The following MAP4K3 variants were observed in gnomAD, a reference collection of about 807,000 sequenced individuals.
The protein encoded by MAP4K3 is mitogen-activated protein kinase kinase kinase kinase 3.
A neutral mutation model predicts 143.5 loss-of-function variants in MAP4K3; 94 were observed. The ratio of observed to expected loss-of-function variants is 0.65; its 90% CI spans 0.55 to 0.78. The LOEUF is 0.78. Ranked by LOEUF, MAP4K3 falls within the 30% of genes least tolerant of loss-of-function variation. The pLI is 0.00. For missense variants in MAP4K3, 1,077 were observed against 1,068.1 expected (o/e 1.01, Z -0.12); for synonymous variants, 416 against 347.2 (o/e 1.20, Z -2.20).
chr2:39,349,546 T>A (rs765868727), intron 3 of MAP4K3, among the ~76,000 whole-genome samples: 27 of 152,150 alleles, frequency 1.8e-4, no homozygotes, highest in Admixed American at 1.0e-3. Context: ...TATCACATAG[T>A]CTTTTCTTGA....
At position 39,399,797 on chromosome 2, in the gene MAP4K3, C is replaced by A. The variant is rs145114348; in HGVS notation, c.97-21674G>T. Reference sequence around the variant, plus strand: ...GTTAAGGGCTCCTGTTACAAGCATACATTTTAGTGTTTATTACAAGAGACT... The same window carrying A: ...GTTAAGGGCTCCTGTTACAAGCATAAATTTTAGTGTTTATTACAAGAGACT... On this transcript the variant is annotated intron_variant, in intron 1 of 33. Coordinates refer to ENST00000263881, the MANE Select transcript of MAP4K3 (RefSeq NM_003618.4). Among the ~76,000 whole-genome samples the A allele has an allele frequency of 9.2e-5, 14 of 152,252 alleles. No individual in the cohort carries two copies. The East Asian group carries it at 2.3e-3, about 25-fold the overall frequency.
chr2:39,345,549 C>T (rs937220516), intron 3 of MAP4K3, among the ~76,000 whole-genome samples: 1 of 152,106 alleles, frequency 6.6e-6, no homozygotes, highest in African/African-American at 2.4e-5. Context: ...AAAAAGAAAG[C>T]ACAAGCTATC....
intron 8 of MAP4K3, among the ~76,000 whole-genome samples, chr2:39,329,905 G>A (rs986935452): frequency 2.0e-5 from 3 of 152,138 alleles, no homozygotes; most frequent in African/African-American, 7.2e-5. Context: ...AAAATGTAAG[G>A]ATTAGTGGAC....
chr2:39,426,283 A>G (rs1331216677), intron 1 of MAP4K3, among the ~76,000 whole-genome samples: 1 of 152,184 alleles, frequency 6.6e-6, no homozygotes, highest in Non-Finnish European at 1.5e-5. Flanking sequence ...ACAAAGGCTG[A>G]AAAACTCTTC....
intron 6 of MAP4K3, among the ~76,000 whole-genome samples, chr2:39,336,465 C>A (rs1664965125): frequency 1.1e-5 from 1 of 94,544 alleles, no homozygotes; most frequent in Non-Finnish European, 1.9e-5. Flanking sequence ...GAGCGAGACT[C>A]CATCTCAAAA....
intron 1 of MAP4K3, among the ~76,000 whole-genome samples, chr2:39,414,930 C>T (rs1485889109): frequency 6.6e-6 from 1 of 151,742 alleles, no homozygotes; most frequent in Non-Finnish European, 1.5e-5. Flanking sequence ...GTATGAAAGC[C>T]AAGTATTATG....
chr2:39,360,924 A>G (rs954106200), intron 2 of MAP4K3, among the ~76,000 whole-genome samples: 3 of 152,182 alleles, frequency 2.0e-5, no homozygotes, highest in Admixed American at 2.0e-4. Context: ...GAACACAGCT[A>G]AACTATATCA....
At chr2:39,367,683 T>C (rs1409086208) in intron 2 of MAP4K3, among the ~76,000 whole-genome samples, 2 of 152,126 alleles carry the variant, frequency 1.3e-5, no homozygotes, top group Non-Finnish European at 2.9e-5. Flanking sequence ...AGGTGAGAGT[T>C]TGATCCAACC....
intron 28 of MAP4K3, among the ~76,000 whole-genome samples, chr2:39,262,639 C>G (rs910331136): frequency 6.6e-6 from 1 of 152,062 alleles, no homozygotes; most frequent in Non-Finnish European, 1.5e-5. Flanking sequence ...AAGTCATTAA[C>G]AGAAGGGGAT....
At chr2:39,386,603 A>C (rs895342293) in intron 1 of MAP4K3, among the ~76,000 whole-genome samples, 1 of 150,428 alleles carries the variant, frequency 6.6e-6, no homozygotes, top group African/African-American at 2.5e-5. Flanking sequence ...GTTTAGGTAC[A>C]TTTTTTTGCA....
intron 23 of MAP4K3, among the ~76,000 whole-genome samples, chr2:39,279,545 G>C (rs546404614): frequency 1.1e-4 from 17 of 152,264 alleles, no homozygotes; most frequent in Non-Finnish European, 2.4e-4. Flanking sequence ...CTTAGTGGTT[G>C]CCTAAGGACA....
chr2:39,357,382 A>G (rs551738992), intron 2 of MAP4K3, among the ~76,000 whole-genome samples: 7 of 152,340 alleles, frequency 4.6e-5, no homozygotes, highest in African/African-American at 1.7e-4. Flanking sequence ...AAAAAACAGA[A>G]GGCTTCCCCA....
chr2:39,327,802 T>A (rs901507506), intron 8 of MAP4K3, among the ~76,000 whole-genome samples: 8 of 151,432 alleles, frequency 5.3e-5, no homozygotes, highest in Non-Finnish European at 1.0e-4. Context: ...CCTAGTGGAG[T>A]GGGAAATGCA....
intron 16 of MAP4K3, among the ~76,000 whole-genome samples, chr2:39,295,301 A>T (rs143677114): frequency 3.6e-4 from 55 of 151,978 alleles, no homozygotes; most frequent in African/African-American, 1.2e-3. Context: ...TTTTTTTTAA[A>T]CACACACACA....
chr2:39,283,123 G>C (rs1354381473), intron 21 of MAP4K3, among the ~76,000 whole-genome samples: 3 of 152,208 alleles, frequency 2.0e-5, no homozygotes, highest in Non-Finnish European at 4.4e-5. Flanking sequence ...ATGAGTGGAT[G>C]CCTTTATTGG....
chr2:39,387,124 G>A (rs1666527040), intron 1 of MAP4K3, among the ~76,000 whole-genome samples: 1 of 151,984 alleles, frequency 6.6e-6, no homozygotes, highest in Admixed American at 6.6e-5. Context: ...GCCGATTATT[G>A]TAGTTTTATA....
chr2:39,326,569 GAGTT>G (rs569932084), intron 8 of MAP4K3, among the ~76,000 whole-genome samples: 196 of 152,262 alleles, frequency 1.3e-3, no homozygotes, highest in Non-Finnish European at 2.2e-3. Context: ...ATGCTGGAAT[GAGTT>G]AAGACTTTGG....
At chr2:39,352,648 T>C (rs1665493139) in intron 3 of MAP4K3, among the ~76,000 whole-genome samples, 1 of 152,136 alleles carries the variant, frequency 6.6e-6, no homozygotes, top group African/African-American at 2.4e-5. Context: ...TATTGAACAG[T>C]GGAGTAGGAA....
At chr2:39,321,546 G>C (rs1683303150) in intron 12 of MAP4K3, among the ~76,000 whole-genome samples, 1 of 152,108 alleles carries the variant, frequency 6.6e-6, no homozygotes, top group South Asian at 2.1e-4. Flanking sequence ...CGTGGGAAGG[G>C]GAAGACCTGA....
Sources: gnomAD v4.1 joint callset for allele counts (sites outside exome capture counted in the v4.1 genomes callset) on GRCh38, gnomAD v4.1.1 for gene constraint, MANE v1.5 for transcripts, NCBI Gene and HGNC (gene_info 2026-07-23, HGNC 2026-07-21) for gene names.